Variants in DYM observed in about 807,000 individuals in gnomAD.
DYM encodes dymeclin.
Under a neutral mutation model 93.1 loss-of-function variants are expected in DYM, and 78 were observed. That is an observed-to-expected ratio of 0.84 (90% CI 0.70 to 1.01). DYM has a LOEUF of 1.01. Ranked by LOEUF, DYM falls within the 50% of genes least tolerant of loss-of-function variation. DYM has a pLI of 0.00. For synonymous variants in DYM, 321 were observed against 319.7 expected (o/e 1.00, Z -0.04); for missense variants, 789 against 845.0 (o/e 0.93, Z 0.82).
chr18:49,423,527 C>A (rs1243538708), intron 2 of DYM, among the ~76,000 whole-genome samples: 2 of 151,982 alleles, frequency 1.3e-5, no homozygotes. Flanking sequence ...TGGCAGAAGG[C>A]AAGAAATAAC....
chr18:49,439,802 G>C (rs1421693416), intron 1 of DYM, among the ~76,000 whole-genome samples: 2 of 151,898 alleles, frequency 1.3e-5, no homozygotes, highest in Admixed American at 1.3e-4. Flanking sequence ...CTGAGTTCAA[G>C]ACCAGCCTTG....
At chr18:49,106,272 A>G (rs2080791886) in intron 16 of DYM, among the ~76,000 whole-genome samples, 1 of 152,076 alleles carries the variant, frequency 6.6e-6, no homozygotes, top group African/African-American at 2.4e-5. Flanking sequence ...ATCTTCCTCC[A>G]TCCCTTTATT....
At chr18:49,195,768 G>A (rs2091379327) in intron 14 of DYM, among the ~76,000 whole-genome samples, 1 of 152,086 alleles carries the variant, frequency 6.6e-6, no homozygotes, top group African/African-American at 2.4e-5. Flanking sequence ...TTCACTGGGA[G>A]GAAAAGCAAT....
chr18:49,154,640 C>T (rs1301656516), intron 15 of DYM, among the ~76,000 whole-genome samples: 2 of 152,140 alleles, frequency 1.3e-5, no homozygotes, highest in African/African-American at 4.8e-5. Context: ...GGTGATCCAC[C>T]TGCCTCTGCC....
intron 8 of DYM, among the ~76,000 whole-genome samples, chr18:49,327,670 T>C (rs146148442): frequency 6.6e-6 from 1 of 152,184 alleles, no homozygotes; most frequent in East Asian, 1.9e-4. Context: ...ACTCTATACA[T>C]CTTTGAAATT....
At chr18:49,179,555 G>T (rs1304234351) in intron 14 of DYM, among the ~76,000 whole-genome samples, 1 of 151,916 alleles carries the variant, frequency 6.6e-6, no homozygotes, top group Admixed American at 6.6e-5. Context: ...ATTTTGTTGT[G>T]ATGATGATGA....
At chr18:49,122,101 A>G (rs2082430213) in intron 15 of DYM, among the ~76,000 whole-genome samples, 1 of 152,200 alleles carries the variant, frequency 6.6e-6, no homozygotes, top group South Asian at 2.1e-4. Context: ...CATTCTGCTG[A>G]TGGACATCCA....
rs949486910 is a variant in DYM at position 49,096,155 on chromosome 18, C to T, written c.2025+1247G>A. ...AAAAAAATTATCTGGAATAGGAACA[C>T]ATCCAAGCTGGAGGGCCCAGTGAAC... On this transcript the variant is annotated intron_variant, in intron 17 of 17. Transcript: ENST00000675505. Among the ~76,000 whole-genome samples the T allele has an allele frequency of 5.3e-5, 8 of 152,280 alleles. No individual in the cohort carries two copies. In the East Asian group the frequency reaches 1.2e-3, roughly 22 times the overall value.
intron 9 of DYM, among the ~76,000 whole-genome samples, chr18:49,283,122 G>T (rs1173995921): frequency 6.6e-6 from 1 of 152,154 alleles, no homozygotes; most frequent in African/African-American, 2.4e-5. Context: ...TTTGTGTACA[G>T]TTCTAAATTG....
chr18:49,126,723 T>C (rs904030301), intron 15 of DYM, among the ~76,000 whole-genome samples: 1 of 152,218 alleles, frequency 6.6e-6, no homozygotes, highest in Non-Finnish European at 1.5e-5. Context: ...GTGTAACACA[T>C]GGTAAGCACT....
intron 3 of DYM, among the ~76,000 whole-genome samples, chr18:49,383,414 A>G (rs1482525160): frequency 6.6e-6 from 1 of 152,152 alleles, no homozygotes; most frequent in Non-Finnish European, 1.5e-5. Flanking sequence ...ATTCCCTCAT[A>G]CCCCAAAGCC....
intron 14 of DYM, among the ~76,000 whole-genome samples, chr18:49,179,788 T>C (rs2089741363): frequency 6.6e-6 from 1 of 152,150 alleles, no homozygotes; most frequent in Non-Finnish European, 1.5e-5. Context: ...TTTGATATTT[T>C]GTTCATTCTT....
intron 1 of DYM, among the ~76,000 whole-genome samples, chr18:49,433,855 G>A (rs545472530): frequency 6.0e-5 from 9 of 150,984 alleles, no homozygotes; most frequent in Middle Eastern, 3.4e-3. Flanking sequence ...GCGACAGAGT[G>A]AAACTCTGTC....
chr18:49,360,487 T>C (rs1028484134), intron 6 of DYM, among the ~76,000 whole-genome samples: 1 of 151,932 alleles, frequency 6.6e-6, no homozygotes, highest in Non-Finnish European at 1.5e-5. Flanking sequence ...CCGGGTGTGG[T>C]GGCGCTCGTC....
chr18:49,226,076 A>C (rs1356403827), intron 13 of DYM, among the ~76,000 whole-genome samples: 1 of 152,142 alleles, frequency 6.6e-6, no homozygotes, highest in African/African-American at 2.4e-5. Flanking sequence ...TAGAAAACAA[A>C]GTAAATGCAC....
intron 8 of DYM, among the ~76,000 whole-genome samples, chr18:49,292,355 G>GGCAGGC: frequency 1.2e-5 from 1 of 84,744 alleles, no homozygotes; most frequent in East Asian, 3.4e-4. Context: ...CAGACAGACA[G>GGCAGGC]ACACACACAC....
At position 49,317,720 on chromosome 18, in the gene DYM, C is replaced by T. The variant is rs371109014; in HGVS notation, c.763+14144G>A. 6.2e-4 allele frequency among the ~76,000 whole-genome samples: 91 copies of T among 147,096 alleles called. 1 individual carries two copies. The highest frequency in any genetic ancestry group is 2.2e-3 in the African/African-American group (85 of 39,052). The stretch of plus-strand genomic sequence containing the variant: ...TTCTTTCTTTCAAGCAATTCTCGTG[C>T]CTCATCCTCCCAAGTAGCTGGGACT... On this transcript the variant is annotated intron_variant, in intron 8 of 17. Transcript: ENST00000675505.
intron 13 of DYM, among the ~76,000 whole-genome samples, chr18:49,252,433 G>A (rs183358862): frequency 1.3e-5 from 2 of 151,948 alleles, no homozygotes; most frequent in East Asian, 1.9e-4. Context: ...AAACCATCAG[G>A]TCTTTTGAGA....
At chr18:49,417,708 T>C (rs1600095336) in intron 2 of DYM, among the ~76,000 whole-genome samples, 1 of 152,254 alleles carries the variant, frequency 6.6e-6, no homozygotes, top group Non-Finnish European at 1.5e-5. Flanking sequence ...TGTTTGCATA[T>C]GCATAAAATG....
Sources: allele counts gnomAD v4.1 joint callset (sites outside exome capture counted in the v4.1 genomes callset), GRCh38; gene constraint gnomAD v4.1.1; transcripts MANE v1.5; gene names NCBI Gene and HGNC (gene_info 2026-07-23, HGNC 2026-07-21).